SLC22A23: variants seen among roughly 807,000 people sequenced by gnomAD.
SLC22A23 encodes solute carrier family 22 member 23, also known as ion transporter protein.
SLC22A23 carries 26 observed loss-of-function variants against 61.0 expected under a neutral mutation model. The ratio of observed to expected loss-of-function variants is 0.43; its 90% confidence interval spans 0.31 to 0.59. The LOEUF (loss-of-function observed/expected upper bound fraction) is 0.59, where lower values mean the gene tolerates loss of function less well. SLC22A23 is among the 20% of genes least tolerant of loss of function. SLC22A23 has a pLI of 0.11. For missense variants in SLC22A23, 796 were observed against 934.7 expected (o/e 0.85, Z 1.94); for synonymous variants, 430 against 413.9 (o/e 1.04, Z -0.47).
At position 3,269,967 on chromosome 6, in the gene SLC22A23, C is replaced by T. The variant is rs1015018754; in HGVS notation, c.*3088G>A. 2 of 152,802 alleles carry T rather than the reference C, an allele frequency of 1.3e-5. No individual in the cohort carries two copies. The highest frequency in any genetic ancestry group is 6.5e-5 in the Admixed American group (1 of 15,290). 9.5% of individuals were successfully genotyped at this position (152,802 alleles called of 1,614,324 possible). ...AATTTACCAGCCCGTCTTCCAGATG[C>T]AGGTGATCTTACTCTCAGTAAACAA... On this transcript the variant is annotated 3_prime_UTR_variant, in exon 10 of 10. Transcript: ENST00000406686.
chr6:3,356,977 G>T (rs1261484204), intron 3 of SLC22A23, among the ~76,000 whole-genome samples: 1 of 144,548 alleles, frequency 6.9e-6, no homozygotes, highest in South Asian at 2.2e-4. Flanking sequence ...TCTAAAGGCT[G>T]CAGCAGCCTG....
chr6:3,395,662 G>A (rs1199989211), intron 3 of SLC22A23, among the ~76,000 whole-genome samples: 2 of 152,182 alleles, frequency 1.3e-5, no homozygotes, highest in East Asian at 3.8e-4. Context: ...TAAAGCTTGA[G>A]TATTCCATGT....
chr6:3,406,548 GCGCGCA>G (rs200158639), intron 3 of SLC22A23, among the ~76,000 whole-genome samples: 2 of 34,508 alleles, frequency 5.8e-5, no homozygotes, highest in African/African-American at 3.8e-4. Context: ...GTGTGTGTGT[GCGCGCA>G]TGTGTGTGTG....
At chr6:3,431,451 T>G (rs941238858) in intron 1 of SLC22A23, among the ~76,000 whole-genome samples, 1 of 152,164 alleles carries the variant, frequency 6.6e-6, no homozygotes, top group Admixed American at 6.5e-5. Context: ...GTTCAGCCTT[T>G]CAAAACCATC....
chr6:3,298,292 G>A, intron 4 of SLC22A23, 74 bp from the exon 5 acceptor site: 2 of 1,506,836 alleles, frequency 1.3e-6, no homozygotes, highest in Non-Finnish European at 1.8e-6. Flanking sequence ...CTTAGGTGTG[G>A]CCCGGGAGCT....
intron 3 of SLC22A23, among the ~76,000 whole-genome samples, chr6:3,404,671 C>T (rs1479840285): frequency 6.6e-6 from 1 of 152,166 alleles, no homozygotes. Context: ...TCTCGCCTTC[C>T]CAGGGGTTGG....
intron 1 of SLC22A23, among the ~76,000 whole-genome samples, chr6:3,428,884 G>A (rs1320795972): frequency 6.6e-6 from 1 of 152,140 alleles, no homozygotes; most frequent in Non-Finnish European, 1.5e-5. Context: ...GTGAAACAAA[G>A]TCAAGCTGGT....
At chr6:3,361,058 A>ACC (rs869221304) in intron 3 of SLC22A23, among the ~76,000 whole-genome samples, 14 of 61,376 alleles carry the variant, frequency 2.3e-4, no homozygotes, top group Non-Finnish European at 4.5e-4. Context: ...ATTTCTACCC[A>ACC]CCCCCCCCAT....
At chr6:3,353,643 C>T (rs1764904372) in intron 3 of SLC22A23, among the ~76,000 whole-genome samples, 1 of 152,214 alleles carries the variant, frequency 6.6e-6, no homozygotes, top group Non-Finnish European at 1.5e-5. Context: ...CAACCACTGC[C>T]TTTCCAGGTA....
chr6:3,449,160 C>G (rs1772054585), intron 1 of SLC22A23, among the ~76,000 whole-genome samples: 1 of 152,154 alleles, frequency 6.6e-6, no homozygotes, highest in Non-Finnish European at 1.5e-5. Context: ...CCTAATAGCT[C>G]AGAAAAGCAA....
chr6:3,398,984 G>A (rs184514873), intron 3 of SLC22A23, among the ~76,000 whole-genome samples: 1 of 152,130 alleles, frequency 6.6e-6, no homozygotes, highest in African/African-American at 2.4e-5. Flanking sequence ...AGCTGTGACC[G>A]CACCACTGCA....
At position 3,360,870 on chromosome 6, in the gene SLC22A23, C is replaced by T. The variant is rs900271362; in HGVS notation, c.914-36868G>A. On this transcript the variant is annotated intron_variant, in intron 3 of 9. Coordinates refer to ENST00000406686, the MANE Select transcript of SLC22A23 (RefSeq NM_015482.2). This position sits in a 1 kb window ranked among gnomAD's most constrained non-coding sequence, Gnocchi z 4.6. ...AACGGGATTGGACGAAGCCTTCCCT[C>T]GGGCAAAGATGCTGGGGTGGGGAAC... Among the ~76,000 whole-genome samples, 3 of 152,128 alleles carry T rather than the reference C, an allele frequency of 2.0e-5. No homozygotes were observed. The highest frequency in any genetic ancestry group is 4.4e-5 in the Non-Finnish European group (3 of 68,010).
rs117988675 is a variant in SLC22A23, at chr6:3,388,507, G to A, written c.913+21681C>T. Among the ~76,000 whole-genome samples, 59 of 152,200 alleles carry A rather than the reference G, an allele frequency of 3.9e-4. No homozygotes were observed. In the East Asian group the frequency reaches 0.01, roughly 26 times the overall value. On this transcript the variant is annotated intron_variant, in intron 3 of 9. Coordinates refer to ENST00000406686, the MANE Select transcript of SLC22A23 (RefSeq NM_015482.2). ...CCGTGGAAAACTGTGACACTTCCTC[G>A]AAAACATAAAAATACAATTACCATA...
At chr6:3,374,991 G>A (rs1766467157) in intron 3 of SLC22A23, among the ~76,000 whole-genome samples, 1 of 152,158 alleles carries the variant, frequency 6.6e-6, no homozygotes, top group South Asian at 2.1e-4. Flanking sequence ...CAGTGGCAGG[G>A]GTCTTTGAAG....
At chr6:3,284,855 G>T in intron 8 of SLC22A23, 1 of 1,487,368 alleles carries the variant, frequency 6.7e-7, no homozygotes, top group Non-Finnish European at 9.1e-7. Flanking sequence ...TGCGTGCCAA[G>T]CAGCACACAA....
chr6:3,356,977 G>A (rs1261484204), intron 3 of SLC22A23, among the ~76,000 whole-genome samples: 1 of 144,548 alleles, frequency 6.9e-6, no homozygotes, highest in Non-Finnish European at 1.5e-5. Flanking sequence ...TCTAAAGGCT[G>A]CAGCAGCCTG....
intron 3 of SLC22A23, among the ~76,000 whole-genome samples, chr6:3,398,319 C>A (rs935537461): frequency 3.9e-5 from 6 of 152,088 alleles, no homozygotes; most frequent in Non-Finnish European, 8.8e-5. Context: ...AGTTCTGAGC[C>A]TTTTCCCAGA....
At chr6:3,288,870 C>T (rs962981461) in intron 6 of SLC22A23, among the ~76,000 whole-genome samples, 1 of 152,192 alleles carries the variant, frequency 6.6e-6, no homozygotes, top group African/African-American at 2.4e-5. Flanking sequence ...GTTGTTTGGG[C>T]AGTAGAGCCT....
At chr6:3,283,732 T>C in intron 9 of SLC22A23, 120 bp downstream of exon 9, 1 of 1,532,848 alleles carries the variant, frequency 6.5e-7, no homozygotes, top group Non-Finnish European at 8.8e-7. Context: ...ACCACGAAGC[T>C]GATGTGTCCA....
Sources: allele counts gnomAD v4.1 joint callset (sites outside exome capture counted in the v4.1 genomes callset), GRCh38; gene constraint gnomAD v4.1.1; non-coding constraint Gnocchi (gnomAD v3.1); transcripts MANE v1.5; gene names NCBI Gene and HGNC (gene_info 2026-07-23, HGNC 2026-07-21).